Variants in ZNF516 observed in about 807,000 individuals in gnomAD.
ZNF516 encodes zinc finger protein 516.
A neutral mutation model predicts 79.7 loss-of-function variants in ZNF516; 19 were observed. The observed-to-expected ratio is 0.24, with a 90% confidence interval of 0.17 to 0.35. The LOEUF (loss-of-function observed/expected upper bound fraction) is 0.35. ZNF516 is among the 10% of genes least tolerant of loss of function. ZNF516 has a pLI of 1.00. For missense variants in ZNF516, 1,678 were observed against 1,679.5 expected (o/e 1.00, Z 0.02); for synonymous variants, 877 against 739.5 (o/e 1.19, Z -3.02).
chr18:76,380,116 C>T lies in ZNF516; in HGVS notation c.1998G>A (p.Gln666=), dbSNP rs2074866046. The part of the protein sequence containing the change: ...SSRETSRRQE[Q]HRFSMDLKMP... ...TCTTTAAGTCCATAGAAAATCTGTG[C>T]TGCTCTTGCCTTCTAGAAGTCTCTC... Residue 666 remains glutamine, a synonymous_variant, in exon 4 of 7, where the codon CAG becomes CAA. Coordinates refer to ENST00000443185, the MANE Select transcript of ZNF516 (RefSeq NM_014643.4). 3.7e-6 allele frequency: 6 copies of T among 1,613,818 alleles called. No homozygotes were observed. The highest frequency in any genetic ancestry group is 5.1e-6 in the Non-Finnish European group (6 of 1,179,892).
intron 3 of ZNF516, among the ~76,000 whole-genome samples, chr18:76,404,013 G>A (rs766248838): frequency 8.5e-5 from 13 of 152,322 alleles, no homozygotes; most frequent in East Asian, 3.9e-4. Context: ...GAGCAGCAGC[G>A]GACAGGCTGG....
chr18:76,416,641 G>A (rs1445030038), intron 3 of ZNF516, among the ~76,000 whole-genome samples: 3 of 152,352 alleles, frequency 2.0e-5, no homozygotes, highest in African/African-American at 7.2e-5. Flanking sequence ...TCTCTGAATA[G>A]TCAATGTGAG....
chr18:76,418,231 G>T (rs912689415), intron 3 of ZNF516, among the ~76,000 whole-genome samples: 78 of 150,768 alleles, frequency 5.2e-4, no homozygotes, highest in African/African-American at 1.8e-3. Flanking sequence ...TGTAACACAC[G>T]CTATCACACT....
At chr18:76,420,950 A>C (rs2075499145) in intron 3 of ZNF516, among the ~76,000 whole-genome samples, 1 of 152,346 alleles carries the variant, frequency 6.6e-6, no homozygotes, top group Middle Eastern at 3.4e-3. Context: ...TTTATAAATC[A>C]TGAATTTTGG....
intron 1 of ZNF516, among the ~76,000 whole-genome samples, chr18:76,473,917 G>GGGGC (rs1376026558): frequency 9.3e-6 from 1 of 107,658 alleles, no homozygotes. Flanking sequence ...GGGGGGGGGG[G>GGGGC]CTTTCTTTTT....
intron 3 of ZNF516, chr18:76,385,784 C>CG (rs200552418): frequency 0.026 from 3,945 of 151,426 alleles, 78 homozygotes; most frequent in Non-Finnish European, 0.039. Context: ...CTGCCCCCCC[C>CG]CCGGGAGCTG....
At chr18:76,410,831 G>A (rs1253619235) in intron 3 of ZNF516, among the ~76,000 whole-genome samples, 1 of 152,086 alleles carries the variant, frequency 6.6e-6, no homozygotes, top group African/African-American at 2.4e-5. Flanking sequence ...CAATCTCCCG[G>A]GGGAGTTTTT....
At chr18:76,465,820 T>C (rs1161271832) in intron 1 of ZNF516, among the ~76,000 whole-genome samples, 1 of 152,092 alleles carries the variant, frequency 6.6e-6, no homozygotes, top group Non-Finnish European at 1.5e-5. Flanking sequence ...TCCTCAGAAG[T>C]GTGATGGTCA....
intron 3 of ZNF516, among the ~76,000 whole-genome samples, chr18:76,392,567 A>AGGGC: frequency 1.4e-5 from 2 of 147,090 alleles, no homozygotes; most frequent in African/African-American, 5.1e-5. Context: ...ACGTGGGGGA[A>AGGGC]AGGTGGATGG....
At chr18:76,439,254 C>T (rs1350137869) in intron 3 of ZNF516, among the ~76,000 whole-genome samples, 2 of 152,124 alleles carry the variant, frequency 1.3e-5, no homozygotes, top group African/African-American at 4.8e-5. Context: ...CTACACTAGA[C>T]CATTAAAGGC....
At chr18:76,426,289 C>T (rs534687431) in intron 3 of ZNF516, among the ~76,000 whole-genome samples, 1 of 152,284 alleles carries the variant, frequency 6.6e-6, no homozygotes, top group East Asian at 1.9e-4. Context: ...TATGAGGTAG[C>T]CAACATCTCC....
rs534795346 is a variant in ZNF516, at chr18:76,407,497, G to A, written c.1811-27194C>T. Among the ~76,000 whole-genome samples, 140 of 152,194 alleles carry A rather than the reference G, an allele frequency of 9.2e-4. 2 individuals are homozygous for A. The South Asian group carries it at 0.015, about 17-fold the overall frequency. On this transcript the variant is annotated intron_variant, in intron 3 of 6. Transcript: ENST00000443185. ...TCAATGTCGGGACAGGGGCTCGGGCGGCAGCATCCATAATTACGAGGAGAC... is the reference window on the plus strand; with the variant it reads ...TCAATGTCGGGACAGGGGCTCGGGCAGCAGCATCCATAATTACGAGGAGAC...
chr18:76,447,375 C>T (rs1003285746), intron 2 of ZNF516, among the ~76,000 whole-genome samples: 9 of 152,230 alleles, frequency 5.9e-5, no homozygotes, highest in South Asian at 2.1e-4. Flanking sequence ...CCTAGTGGGG[C>T]GTGCCTCACG....
chr18:76,381,049 G>A (rs2074885018), intron 3 of ZNF516, among the ~76,000 whole-genome samples: 1 of 152,214 alleles, frequency 6.6e-6, no homozygotes, highest in East Asian at 1.9e-4. Context: ...CTGATGGTCG[G>A]ACCTTGACGG....
At chr18:76,434,516 T>C (rs551607503) in intron 3 of ZNF516, among the ~76,000 whole-genome samples, 1 of 152,330 alleles carries the variant, frequency 6.6e-6, no homozygotes, top group East Asian at 1.9e-4. Context: ...CGAACTTCTC[T>C]TTCAGTGAAC....
intron 1 of ZNF516, among the ~76,000 whole-genome samples, chr18:76,482,626 TAAAA>T (rs1914591184): frequency 6.6e-6 from 1 of 152,240 alleles, no homozygotes; most frequent in South Asian, 2.1e-4. Flanking sequence ...ATTTCCGACT[TAAAA>T]GTATCTTCAA....
At chr18:76,434,954 G>A (rs573625035) in intron 3 of ZNF516, among the ~76,000 whole-genome samples, 1 of 152,334 alleles carries the variant, frequency 6.6e-6, no homozygotes, top group South Asian at 2.1e-4. Flanking sequence ...ACACTTCTGA[G>A]TCCAAGCTCA....
chr18:76,442,341 G>T lies in ZNF516; in HGVS notation c.714C>A (p.Asn238Lys). 6.2e-7 allele frequency: 1 copy of T among 1,610,550 alleles called. No homozygotes were observed. The highest frequency in any genetic ancestry group is 8.5e-7 in the Non-Finnish European group (1 of 1,179,170). The change falls in exon 3 of 7, where the codon AAC (asparagine) becomes AAA (lysine). Residue 238 changes from asparagine (N) to lysine (K), a missense_variant. Coordinates refer to ENST00000443185, the MANE Select transcript of ZNF516 (RefSeq NM_014643.4). ...CCCCGGGGCTCAGCTCGGGCTTGCC[G>T]TTCTCCACGCAGGCCTCGCCGCTGC... The part of the protein sequence containing the change: ...GPGSGEACVE[N>K]GKPELSPGEF...
In ZNF516 at chr18:76,378,905, G is replaced by C; in HGVS notation, c.3209C>G (p.Ala1070Gly). 2 of 1,613,768 alleles carry C rather than the reference G, an allele frequency of 1.2e-6. No homozygotes were observed. Among genetic ancestry groups the C allele is most frequent in the Non-Finnish European group, 1.7e-6 (2 of 1,179,794 alleles). The stretch of plus-strand genomic sequence containing the variant: ...GACACCCCATCCCTGGTAGAGGGTC[G>C]CAAAGTCCTTTGGAATGTACGTCTT... ...IFKTYIPKDF[A>G]TLYQGWGVSG... Residue 1070 changes from alanine (A) to glycine (G), a missense_variant, in exon 4 of 7, where the codon GCG becomes GGG. Ala to Gly is a moderately conservative substitution (Grantham distance 60, BLOSUM62 0). This residue lies in a region of ZNF516 where 1,294 missense variants were observed against 1,248.3 expected (regional missense o/e 1.04). Coordinates refer to ENST00000443185, the MANE Select transcript of ZNF516 (RefSeq NM_014643.4).
Sources: gnomAD v4.1 joint callset for allele counts (sites outside exome capture counted in the v4.1 genomes callset) on GRCh38, gnomAD v4.1.1 for gene constraint, gnomAD v4.1.1 regional missense constraint, MANE v1.5 for transcripts, NCBI Gene and HGNC (gene_info 2026-07-23, HGNC 2026-07-21) for gene names.